MKLN1: variants seen among roughly 807,000 people sequenced by gnomAD.
MKLN1 encodes muskelin.
Under a neutral mutation model 99.0 loss-of-function variants are expected in MKLN1, and 18 were observed. That is an observed-to-expected ratio of 0.18 (90% CI 0.13 to 0.27). MKLN1 has a LOEUF of 0.27. MKLN1 is among the 10% of genes least tolerant of loss of function. The pLI is 1.00. For synonymous variants in MKLN1, 288 were observed against 293.2 expected (o/e 0.98, Z 0.18); for missense variants, 621 against 875.9 (o/e 0.71, Z 3.67).
intron 3 of MKLN1, among the ~76,000 whole-genome samples, chr7:131,211,812 C>G (rs1418275521): frequency 6.6e-6 from 1 of 152,122 alleles, no homozygotes; most frequent in Non-Finnish European, 1.5e-5. Context: ...AGTTGAGTTA[C>G]TTTCACTGTT....
At chr7:131,451,791 A>T (rs952302360) in intron 12 of MKLN1, among the ~76,000 whole-genome samples, 1 of 152,202 alleles carries the variant, frequency 6.6e-6, no homozygotes, top group African/African-American at 2.4e-5. Context: ...GGTTTAGCAG[A>T]TTCCCCATAT....
At chr7:131,166,299 A>G (rs907232743) in intron 2 of MKLN1, among the ~76,000 whole-genome samples, 4 of 152,144 alleles carry the variant, frequency 2.6e-5, no homozygotes, top group African/African-American at 9.7e-5. Context: ...GTTTGCCGGG[A>G]AAGATGCTGA....
chr7:131,241,633 G>A (rs1303922174), intron 3 of MKLN1, among the ~76,000 whole-genome samples: 1 of 152,164 alleles, frequency 6.6e-6, no homozygotes, highest in Non-Finnish European at 1.5e-5. Flanking sequence ...ATTCCAGCCT[G>A]GGTGAGATCT....
chr7:131,459,426 A>G (rs1284587590), intron 12 of MKLN1, among the ~76,000 whole-genome samples: 3 of 152,184 alleles, frequency 2.0e-5, no homozygotes, highest in Non-Finnish European at 2.9e-5. Context: ...AGGAAGAGGA[A>G]TTCTGATTTG....
At chr7:131,227,088 A>C (rs569141101) in intron 3 of MKLN1, among the ~76,000 whole-genome samples, 1 of 152,228 alleles carries the variant, frequency 6.6e-6, no homozygotes, top group Non-Finnish European at 1.5e-5. Context: ...ACTTTTCACT[A>C]TTCCAACCAT....
Position 131,417,422 on chromosome 7 carries a change from G to A in MKLN1, c.847+2712G>A, listed in dbSNP as rs142779305. 2.2e-3 allele frequency among the ~76,000 whole-genome samples: 335 copies of A among 152,268 alleles called. 3 individuals are homozygous for A. The highest frequency in any genetic ancestry group is 7.3e-3 in the African/African-American group (305 of 41,560). ...AGGCCCATGGTTGATGACAAAACTA[G>A]ATTTTTCAGCCTTTAAAAGAAATCA... is the stretch of plus-strand genomic sequence containing the variant. On this transcript the variant is annotated intron_variant, in intron 8 of 17. Transcript: ENST00000352689.
chr7:131,132,849 C>T (rs563404979), intron 1 of MKLN1, among the ~76,000 whole-genome samples: 1 of 138,686 alleles, frequency 7.2e-6, no homozygotes, highest in South Asian at 2.4e-4. Flanking sequence ...TCGCTTAAAC[C>T]TGGGAGGCGG....
At chr7:131,166,144 A>G (rs2580813) in intron 2 of MKLN1, among the ~76,000 whole-genome samples, 62,625 of 151,742 alleles carry the variant, frequency 0.41, 13,364 homozygotes, top group East Asian at 0.65. Context: ...TTTTGGCGGT[A>G]GGAATGGACA....
chr7:131,285,855 A>G (rs959770279), intron 3 of MKLN1, among the ~76,000 whole-genome samples: 1 of 152,092 alleles, frequency 6.6e-6, no homozygotes, highest in Non-Finnish European at 1.5e-5. Context: ...TTCTGGCCCC[A>G]TAGCATTTTG....
chr7:131,185,983 G>A (rs929682417), intron 2 of MKLN1, among the ~76,000 whole-genome samples: 1 of 150,066 alleles, frequency 6.7e-6, no homozygotes, highest in African/African-American at 2.5e-5. Context: ...ATGAGGTCAA[G>A]AGATTGAGAC....
chr7:131,124,258 C>G (rs1483162967), intron 1 of MKLN1, among the ~76,000 whole-genome samples: 4 of 152,156 alleles, frequency 2.6e-5, no homozygotes, highest in African/African-American at 9.7e-5. Flanking sequence ...AAAAGAAGCA[C>G]ACAACCAAAG....
intron 9 of MKLN1, among the ~76,000 whole-genome samples, chr7:131,434,102 T>A (rs1418822333): frequency 6.6e-6 from 1 of 152,106 alleles, no homozygotes; most frequent in African/African-American, 2.4e-5. Flanking sequence ...GCCAGGCTGG[T>A]CTCGAAATCC....
chr7:131,465,138 A>G (rs78819098), intron 14 of MKLN1, among the ~76,000 whole-genome samples: 3,004 of 152,276 alleles, frequency 0.02, 79 homozygotes, highest in African/African-American at 0.066. Flanking sequence ...CATAGGATAG[A>G]GATAATAACT....
rs140762619 is a variant in MKLN1, at chr7:131,119,370, C to T, written c.-419+9163C>T. Among the ~76,000 whole-genome samples, 846 of 152,344 alleles carry T rather than the reference C, an allele frequency of 5.6e-3. 2 individuals are homozygous for T. Among genetic ancestry groups the T allele is most frequent in the African/African-American group, 0.014 (585 of 41,574 alleles). ...CCACTGTGGCTCTGCAGCATACATC[C>T]CCTGCAGCTGCTTTCATGGGCTGGT... On this transcript the variant is annotated intron_variant, in intron 1 of 7. Transcript: ENST00000416992.
At chr7:131,270,245 C>T (rs1226897584) in intron 3 of MKLN1, among the ~76,000 whole-genome samples, 1 of 149,144 alleles carries the variant, frequency 6.7e-6, no homozygotes, top group Non-Finnish European at 1.5e-5. Context: ...TTTTTTGAGA[C>T]AAGATCTCAC....
At chr7:131,225,992 C>T (rs911903121) in intron 3 of MKLN1, among the ~76,000 whole-genome samples, 5 of 152,168 alleles carry the variant, frequency 3.3e-5, no homozygotes, top group Non-Finnish European at 7.4e-5. Context: ...TCAGAGCCTG[C>T]TGTCCTTCCT....
rs80220696 is a variant in MKLN1, at chr7:131,268,212, T to C, written c.-179+65238T>C. The stretch of plus-strand genomic sequence containing the variant: ...AGCTCTGTGGGAATTTCTAAGGCTT[T>C]AAAATTCACTCCAGAATCCTGCAAA... On this transcript the variant is annotated intron_variant, in intron 3 of 7. Coordinates refer to the MKLN1 transcript ENST00000416992. Among the ~76,000 whole-genome samples, 155 of 152,306 alleles carry C rather than the reference T, an allele frequency of 1.0e-3. 1 individual carries two copies. The highest frequency in any genetic ancestry group is 3.4e-3 in the African/African-American group (142 of 41,558).
chr7:131,387,144 C>G lies in MKLN1; in HGVS notation c.193C>G (p.Pro65Ala). 1 of 1,605,580 alleles carries G rather than the reference C, an allele frequency of 6.2e-7. No homozygotes were observed. The highest frequency in any genetic ancestry group is 8.5e-7 in the Non-Finnish European group (1 of 1,177,122). Residue 65 changes from proline to alanine, a missense_variant, in exon 3 of 18, where the codon CCT (proline) becomes GCT (alanine). By Grantham distance (27) the Pro-to-Ala change is conservative. This residue lies in a region of MKLN1 where 27 missense variants were observed against 19.7 expected (regional missense o/e 1.37). Transcript: ENST00000352689. Reference sequence around the variant, plus strand: ...GTACTTGATTCTAAAGCTCGAAAGGCCTGCTATAGTTCAGAATATCACATT... The same window carrying G: ...GTACTTGATTCTAAAGCTCGAAAGGGCTGCTATAGTTCAGAATATCACATT... ...PQYLILKLER[P>A]AIVQNITFGK...
intron 1 of MKLN1, among the ~76,000 whole-genome samples, chr7:131,138,332 A>G (rs997404985): frequency 1.3e-5 from 2 of 152,212 alleles, no homozygotes; most frequent in Non-Finnish European, 2.9e-5. Context: ...TGTTTATTTG[A>G]AGCATCATTT....
Sources: allele counts gnomAD v4.1 joint callset (sites outside exome capture counted in the v4.1 genomes callset), GRCh38; gene constraint gnomAD v4.1.1; regional missense constraint gnomAD v4.1.1; transcripts MANE v1.5; gene names NCBI Gene and HGNC (gene_info 2026-07-23, HGNC 2026-07-21).